The following RERE variants were observed in gnomAD, a reference collection of about 807,000 sequenced individuals.
The protein encoded by RERE is arginine-glutamic acid dipeptide repeats protein.
In RERE, 40 loss-of-function variants were observed where a neutral mutation model predicts 146.1. The observed-to-expected ratio is 0.27, with a 90% confidence interval of 0.21 to 0.36. The LOEUF (loss-of-function observed/expected upper bound fraction) is 0.36. Among genes scored for constraint, RERE ranks in the 10% least tolerant of loss-of-function variants. The pLI is 1.00. For missense variants in RERE, 1,933 were observed against 2,138.7 expected, an observed-to-expected ratio of 0.90 and a Z score of 1.90; for synonymous variants, 1,003 against 866.0, an observed-to-expected ratio of 1.16 and a Z score of -2.78.
At chr1:8,539,682 C>T (rs771920175) in intron 7 of RERE, among the ~76,000 whole-genome samples, 1 of 152,156 alleles carries the variant, frequency 6.6e-6, no homozygotes, top group Non-Finnish European at 1.5e-5. Flanking sequence ...GGATTACAGG[C>T]GTGACCCACC....
At chr1:8,636,670 G>T (rs1341800380) in intron 2 of RERE, among the ~76,000 whole-genome samples, 2 of 152,090 alleles carry the variant, frequency 1.3e-5, no homozygotes. Context: ...AGCTAACTCG[G>T]TCATGCAACA....
intron 11 of RERE, among the ~76,000 whole-genome samples, chr1:8,457,933 G>T (rs1057158713): frequency 6.6e-6 from 1 of 152,084 alleles, no homozygotes; most frequent in Non-Finnish European, 1.5e-5. Flanking sequence ...ACAGAAGTAT[G>T]CCAGGAGAGA....
At chr1:8,532,270 T>A (rs1433099277) in intron 7 of RERE, among the ~76,000 whole-genome samples, 1 of 152,234 alleles carries the variant, frequency 6.6e-6, no homozygotes, top group Admixed American at 6.5e-5. Context: ...ATAAATTTTA[T>A]TTTTTTAACC....
intron 1 of RERE, among the ~76,000 whole-genome samples, chr1:8,744,262 A>G (rs1191106197): frequency 6.6e-6 from 1 of 152,230 alleles, no homozygotes; most frequent in Non-Finnish European, 1.5e-5. Context: ...AAAAGCAAGG[A>G]ATTCTATGTC....
At chr1:8,744,329 T>A (rs1297835185) in intron 1 of RERE, among the ~76,000 whole-genome samples, 1 of 152,222 alleles carries the variant, frequency 6.6e-6, no homozygotes, top group South Asian at 2.1e-4. Flanking sequence ...AAGTTCCATA[T>A]GTGGGTAGTA....
In RERE at chr1:8,360,850, C is replaced by A; in HGVS notation, c.2657G>T (p.Gly886Val). 6.5e-7 allele frequency: 1 copy of A among 1,537,246 alleles called. No individual in the cohort carries two copies. The highest frequency in any genetic ancestry group is 2.4e-5 in the East Asian group (1 of 41,334). Residue 886 changes from glycine to valine, a missense_variant, in exon 18 of 23, where the codon GGG becomes GTG. This residue lies in a region of RERE where 1,255 missense variants were observed against 1,153.8 expected (regional missense o/e 1.09). Transcript: ENST00000400908. ...PQASQGQAPL[G>V]TSPAAAYPHT... ...AGGGTACGCTGCTGCTGGGGAGGTC[C>A]CCAGAGGGGCCTGGCCTTGGGAGGC...
chr1:8,470,168 T>C (rs1644661445), intron 10 of RERE, among the ~76,000 whole-genome samples: 1 of 152,086 alleles, frequency 6.6e-6, no homozygotes, highest in African/African-American at 2.4e-5. Flanking sequence ...TCCCATGTTA[T>C]CAGTAAGTAT....
chr1:8,354,998 TGC>T lies in RERE; in HGVS notation c.*87_*88del. The stretch of plus-strand genomic sequence containing the variant: ...AGAAATCTTTAGAAGATATTCTTTT[TGC>T]TTTTGCAGCTCCTATTTTATGTAAA... On this transcript the variant is annotated 3_prime_UTR_variant, in exon 23 of 23. Transcript: ENST00000400908. 4.8e-6 allele frequency: 5 copies of T among 1,031,814 alleles called. No homozygotes were observed. Among genetic ancestry groups the T allele is most frequent in the Admixed American group, 4.3e-5 (2 of 46,926 alleles). The allele number at this position is 1,031,814 out of a possible 1,614,324, so 63.9% of individuals were successfully genotyped here. A position where few individuals can be genotyped will look rare whatever the true frequency, so the allele number is the denominator to read the frequency against.
intron 4 of RERE, among the ~76,000 whole-genome samples, chr1:8,557,736 T>C (rs1418853439): frequency 6.6e-6 from 1 of 152,202 alleles, no homozygotes; most frequent in Non-Finnish European, 1.5e-5. Context: ...ACCTTACCCC[T>C]CTAAACTGCT....
chr1:8,593,491 CTCCT>C (rs1646519148), intron 4 of RERE, among the ~76,000 whole-genome samples: 1 of 117,738 alleles, frequency 8.5e-6, no homozygotes. Context: ...CATGACTTTG[CTCCT>C]TATTTGCCTC....
intron 1 of RERE, among the ~76,000 whole-genome samples, chr1:8,816,540 G>A (rs1446349622): frequency 6.6e-6 from 1 of 152,088 alleles, no homozygotes. Context: ...CCTCCTAGCA[G>A]ACACACATAC....
At chr1:8,681,867 C>A (rs1638980028) in intron 1 of RERE, among the ~76,000 whole-genome samples, 1 of 152,086 alleles carries the variant, frequency 6.6e-6, no homozygotes, top group South Asian at 2.1e-4. Flanking sequence ...GAAATTGATT[C>A]TTTTATATCC....
chr1:8,788,416 G>A (rs954947987), intron 1 of RERE, among the ~76,000 whole-genome samples: 1 of 148,468 alleles, frequency 6.7e-6, no homozygotes, highest in African/African-American at 2.5e-5. Flanking sequence ...CCAGGCTGGA[G>A]CGCAGTGGCG....
At chr1:8,517,167 T>C (rs1645431437) in intron 7 of RERE, among the ~76,000 whole-genome samples, 1 of 152,116 alleles carries the variant, frequency 6.6e-6, no homozygotes, top group African/African-American at 2.4e-5. Flanking sequence ...CAACTTCCTG[T>C]GAATCCAAAA....
In RERE at chr1:8,495,087, G is replaced by A; in HGVS notation, c.1080C>T (p.Asp360=). 1 of 1,613,462 alleles carries A rather than the reference G, an allele frequency of 6.2e-7. No individual in the cohort carries two copies. ...EDGCVAASRD[D]TTLNALNTLH... Reference sequence around the variant, plus strand: ...CTGTGTTCAGTGCATTCAGAGTGGTGTCATCCCGAGAGGCTGCGACACAGC... The same window carrying A: ...CTGTGTTCAGTGCATTCAGAGTGGTATCATCCCGAGAGGCTGCGACACAGC... The change falls in exon 10 of 23, where the codon GAC becomes GAT. Residue 360 remains aspartate (D), a synonymous_variant. Transcript: ENST00000400908.
At position 8,352,744 on chromosome 1, in the gene RERE, G is replaced by A. The variant is rs1490121602; in HGVS notation, c.*2343C>T. On this transcript the variant is annotated 3_prime_UTR_variant, in exon 23 of 23. Transcript: ENST00000400908. ...GGCTTCAAAGACACCATGAAGGTCA[G>A]GGCCTCCTAAACAAACTGTAGTTTA... 1 of 152,342 alleles carries A rather than the reference G, an allele frequency of 6.6e-6. No homozygotes were observed. The highest frequency in any genetic ancestry group is 1.5e-5 in the Non-Finnish European group (1 of 68,038). 9.4% of individuals were successfully genotyped at this position (152,342 alleles called of 1,614,324 possible).
intron 12 of RERE, among the ~76,000 whole-genome samples, chr1:8,409,431 T>C (rs1234863633): frequency 6.6e-6 from 1 of 152,240 alleles, no homozygotes; most frequent in Non-Finnish European, 1.5e-5. Flanking sequence ...ACACAGTTCC[T>C]GTGAGCAGCA....
chr1:8,714,625 T>C (rs565672649), intron 1 of RERE, among the ~76,000 whole-genome samples: 2 of 152,274 alleles, frequency 1.3e-5, no homozygotes, highest in East Asian at 1.9e-4. Flanking sequence ...GAGAGTCATA[T>C]GAAAGGGAAG....
chr1:8,681,338 T>C (rs1378284305), intron 1 of RERE, among the ~76,000 whole-genome samples: 1 of 152,184 alleles, frequency 6.6e-6, no homozygotes, highest in Non-Finnish European at 1.5e-5. Context: ...GTCTTTCTCT[T>C]AATATTTTTG....
Sources: gnomAD v4.1 joint callset for allele counts (sites outside exome capture counted in the v4.1 genomes callset) on GRCh38, gnomAD v4.1.1 for gene constraint, gnomAD v4.1.1 regional missense constraint, MANE v1.5 for transcripts, NCBI Gene and HGNC (gene_info 2026-07-23, HGNC 2026-07-21) for gene names.